The following POM121 variants were observed in gnomAD, a reference collection of about 807,000 sequenced individuals.
POM121 encodes the protein nuclear envelope pore membrane protein POM 121.
POM121 carries 32 observed loss-of-function variants against 81.3 expected under a neutral mutation model. The observed-to-expected ratio is 0.39, with a 90% CI of 0.30 to 0.53. POM121 has a LOEUF of 0.53. Ranked by LOEUF, POM121 falls within the 20% of genes least tolerant of loss-of-function variation. POM121 has a pLI of 0.66. For synonymous variants in POM121, 514 were observed against 694.2 expected, an observed-to-expected ratio of 0.74 and a Z score of 4.08; for missense variants, 1,138 against 1,614.6, an observed-to-expected ratio of 0.70 and a Z score of 5.06.
At chr7:72,926,694 T>TTA in intron 2 of POM121, 108 bp from the exon 3 acceptor site, 2 of 1,513,594 alleles carry the variant, frequency 1.3e-6, no homozygotes, top group Admixed American at 4.1e-5. Flanking sequence ...AGTGTATAAA[T>TTA]TATACTTTGG....
chr7:72,927,890 T>A (rs782036513), intron 3 of POM121, among the ~76,000 whole-genome samples: 4 of 152,172 alleles, frequency 2.6e-5, no homozygotes, highest in Non-Finnish European at 4.4e-5. Context: ...ATCCCTGCTC[T>A]CATGGGACTC....
At chr7:72,950,464 A>C (rs1418107666), downstream of POM121, 1 of 477,250 alleles carries the variant, frequency 2.1e-6, no homozygotes, top group Non-Finnish European at 3.8e-6. Context: ...AGTAGGTGTG[A>C]GGATTCAATG....
At chr7:72,883,401 A>G (rs1469123040) in intron 1 of POM121, among the ~76,000 whole-genome samples, 2 of 152,110 alleles carry the variant, frequency 1.3e-5, no homozygotes, top group Non-Finnish European at 2.9e-5. Flanking sequence ...CAGTCCTTTC[A>G]CTTTGGCCTC....
At chr7:72,948,679 G>T, downstream of POM121, 1 of 1,601,842 alleles carries the variant, frequency 6.2e-7, no homozygotes, top group Non-Finnish European at 8.6e-7. Flanking sequence ...TCGGCATCTC[G>T]ACCCGTTCAA....
intron 4 of POM121, among the ~76,000 whole-genome samples, chr7:72,914,145 G>A (rs1794073099): frequency 6.6e-6 from 1 of 152,202 alleles, no homozygotes; most frequent in African/African-American, 2.4e-5. Flanking sequence ...CTGTGATGAA[G>A]CCCAAACCAG....
intron 3 of POM121, among the ~76,000 whole-genome samples, chr7:72,902,616 CT>C (rs1435152043): frequency 6.6e-6 from 1 of 152,084 alleles, no homozygotes; most frequent in African/African-American, 2.4e-5. Context: ...GCAGGCTTGA[CT>C]TCTCACACTC....
chr7:72,899,997 G>A (rs1170962665), intron 3 of POM121, among the ~76,000 whole-genome samples: 4 of 152,322 alleles, frequency 2.6e-5, no homozygotes, highest in Non-Finnish European at 5.9e-5. Flanking sequence ...CCAAGCAAGA[G>A]AACCATCTTT....
chr7:72,921,307 A>G (rs1554495968), upstream of POM121, among the ~76,000 whole-genome samples: 1 of 152,232 alleles, frequency 6.6e-6, no homozygotes, highest in East Asian at 1.9e-4. Context: ...TCAAGTTGAC[A>G]CTTGAAATTA....
intron 3 of POM121, among the ~76,000 whole-genome samples, chr7:72,891,721 C>T (rs1305444073): frequency 1.3e-5 from 2 of 152,158 alleles, no homozygotes; most frequent in Non-Finnish European, 2.9e-5. Context: ...AGAATTGTTT[C>T]ATTCTGGGGC....
chr7:72,943,171 T>A lies in POM121; in HGVS notation c.3178T>A (p.Ser1060Thr). 1.2e-6 allele frequency: 2 copies of A among 1,613,398 alleles called. No individual in the cohort carries two copies. Among genetic ancestry groups the A allele is most frequent in the Non-Finnish European group, 1.7e-6 (2 of 1,179,808 alleles). ...PASSQPAFGG[S>T]TAVFFGAATS... The stretch of plus-strand genomic sequence containing the variant: ...CAGCTCACAGCCCGCCTTTGGCGGC[T>A]CCACTGCTGTCTTCTTCGGTGCAGC... Residue 1060 changes from serine to threonine, a missense_variant, in exon 11 of 13, where the codon TCC becomes ACC. This residue lies in a region of POM121 where 336 missense variants were observed against 344.3 expected (regional missense o/e 0.98). Coordinates refer to ENST00000434423, the MANE Select transcript of POM121 (RefSeq NM_001387691.1).
chr7:72,893,891 C>T (rs1339721082), intron 3 of POM121, among the ~76,000 whole-genome samples: 7 of 152,162 alleles, frequency 4.6e-5, no homozygotes, highest in Admixed American at 4.6e-4. Context: ...GGTTTCTGCT[C>T]AACTCGGCGC....
chr7:72,945,129 C>T (rs1554502832), intron 11 of POM121, among the ~76,000 whole-genome samples: 1 of 152,138 alleles, frequency 6.6e-6, no homozygotes, highest in Non-Finnish European at 1.5e-5. Flanking sequence ...GGCAGGCAGC[C>T]AGAGCCAGTC....
Position 72,925,304 on chromosome 7 carries a change from G to T in POM121, c.183G>T (p.Gly61=), listed in dbSNP as rs1795281107. ...AAAALAWLTV[G]ATAAWWGLSR... The stretch of plus-strand genomic sequence containing the variant: ...CTGCACTGGCCTGGCTGACCGTGGG[G>T]GCTACCGCGGCCTGGTGGGGACTGA... The change falls in exon 1 of 13, where the codon GGG becomes GGT. Residue 61 remains glycine, a synonymous_variant. Transcript: ENST00000434423. The T allele has an allele frequency of 6.5e-7, 1 of 1,534,410 alleles. No individual in the cohort carries two copies. The highest frequency in any genetic ancestry group is 8.7e-7 in the Non-Finnish European group (1 of 1,146,490).
At chr7:72,883,997 C>G (rs1452297225) in intron 1 of POM121, among the ~76,000 whole-genome samples, 6 of 152,122 alleles carry the variant, frequency 3.9e-5, no homozygotes, top group Non-Finnish European at 8.8e-5. Context: ...CCTCAAACTC[C>G]TGTGCTCAAG....
chr7:72,938,920 G>A (rs1796791925), intron 6 of POM121, among the ~76,000 whole-genome samples: 3 of 152,240 alleles, frequency 2.0e-5, no homozygotes, highest in Admixed American at 2.0e-4. Flanking sequence ...GGGATCGGGT[G>A]CAAGCACAGA....
chr7:72,912,825 C>T (rs1462695088), intron 3 of POM121, among the ~76,000 whole-genome samples: 3 of 152,186 alleles, frequency 2.0e-5, no homozygotes, highest in Non-Finnish European at 2.9e-5. Context: ...GGGCATTTCC[C>T]GCAGAAGCAG....
chr7:72,931,175 T>A (rs1795982399), intron 5 of POM121, among the ~76,000 whole-genome samples: 1 of 152,148 alleles, frequency 6.6e-6, no homozygotes, highest in African/African-American at 2.4e-5. Context: ...TTATTTAATA[T>A]CTAGTTATTA....
At chr7:72,934,662 G>A (rs1487615736) in intron 5 of POM121, among the ~76,000 whole-genome samples, 1 of 152,052 alleles carries the variant, frequency 6.6e-6, no homozygotes, top group African/African-American at 2.4e-5. Context: ...TTTGTATATG[G>A]TGTGAGGTTG....
chr7:72,918,805 C>T lies in POM121; in HGVS notation c.-152+4977C>T, dbSNP rs141042851. 6.1e-3 allele frequency among the ~76,000 whole-genome samples: 933 copies of T among 151,754 alleles called. 3 individuals carry two copies. The highest frequency in any genetic ancestry group is 9.0e-3 in the Non-Finnish European group (612 of 67,946). Reference sequence around the variant, plus strand: ...CTCTGGCATTTCTGCTTGTTTCTTCCGTGTTTTTTTGAGATGGAGTTGTCA... The same window carrying T: ...CTCTGGCATTTCTGCTTGTTTCTTCTGTGTTTTTTTGAGATGGAGTTGTCA... On this transcript the variant is annotated intron_variant, in intron 4 of 15. Transcript: ENST00000395270.
Sources: allele counts gnomAD v4.1 joint callset (sites outside exome capture counted in the v4.1 genomes callset), GRCh38; gene constraint gnomAD v4.1.1; regional missense constraint gnomAD v4.1.1; transcripts MANE v1.5; gene names NCBI Gene and HGNC (gene_info 2026-07-23, HGNC 2026-07-21).